CHLSN: variants seen among roughly 807,000 people sequenced by gnomAD.
CHLSN encodes the protein protein cholesin.
At chr7:987,536 G>GCA in the CHLSN span, 323 of 1,515,498 alleles carry the variant, frequency 2.1e-4, no homozygotes, top group Middle Eastern at 2.0e-3. Flanking sequence ...CCCAAGGTGG[G>GCA]GCTGGGCCTC....
chr7:982,186 A>G, the CHLSN span, among the ~76,000 whole-genome samples: 2 of 152,210 alleles, frequency 1.3e-5, no homozygotes, highest in Non-Finnish European at 2.9e-5. Context: ...GAGGCTGTAC[A>G]GCAGGATAGA....
chr7:1,136,155 TATAC>T, the CHLSN span, among the ~76,000 whole-genome samples: 9 of 95,464 alleles, frequency 9.4e-5, no homozygotes, highest in African/African-American at 1.3e-4. Context: ...TATAAATATA[TATAC>T]ATAAATATGT....
the CHLSN span, among the ~76,000 whole-genome samples, chr7:1,052,156 T>C: frequency 2.0e-5 from 3 of 152,240 alleles, no homozygotes; most frequent in East Asian, 1.9e-4. This position sits in a 1 kb window ranked among gnomAD's most constrained non-coding sequence, Gnocchi z 4.2. Context: ...CCTCCCCTCC[T>C]GGCCCGAGAT....
At chr7:1,083,187 C>A in the CHLSN span, among the ~76,000 whole-genome samples, 1 of 152,254 alleles carries the variant, frequency 6.6e-6, no homozygotes, top group African/African-American at 2.4e-5. Context: ...CTGAGGGGGC[C>A]CTGCTGGGAG....
At chr7:1,094,228 G>A in the CHLSN span, among the ~76,000 whole-genome samples, 824 of 152,324 alleles carry the variant, frequency 5.4e-3, 8 homozygotes, top group African/African-American at 0.019. Context: ...GGATCCTGGC[G>A]CTGCTCCCCT....
At chr7:1,037,392 T>C in the CHLSN span, among the ~76,000 whole-genome samples, 1 of 132,862 alleles carries the variant, frequency 7.5e-6, no homozygotes, top group African/African-American at 2.8e-5. Flanking sequence ...GTGCCTGCCA[T>C]TGCAGGTGCG....
the CHLSN span, chr7:1,025,638 CGGA>C: frequency 6.6e-6 from 1 of 152,196 alleles, no homozygotes; most frequent in Non-Finnish European, 1.5e-5. Context: ...GGGTGTGATA[CGGA>C]CCGACCTCGC....
At chr7:1,109,018 C>T in the CHLSN span, among the ~76,000 whole-genome samples, 4 of 151,966 alleles carry the variant, frequency 2.6e-5, no homozygotes, top group Admixed American at 6.6e-5. Context: ...GCCTCAGCCT[C>T]CCAAGTAGCT....
chr7:1,113,491 C>T, the CHLSN span, among the ~76,000 whole-genome samples: 1 of 152,172 alleles, frequency 6.6e-6, no homozygotes, highest in Non-Finnish European at 1.5e-5. Flanking sequence ...CGACCGTCCA[C>T]ACTGAGAAGA....
chr7:983,997 G>A, the CHLSN span, among the ~76,000 whole-genome samples: 1 of 152,192 alleles, frequency 6.6e-6, no homozygotes, highest in Non-Finnish European at 1.5e-5. Flanking sequence ...GCGGGCTGGG[G>A]TGCTGCTGGC....
the CHLSN span, among the ~76,000 whole-genome samples, chr7:1,045,134 TG>T: frequency 2.0e-5 from 3 of 152,206 alleles, no homozygotes; most frequent in Non-Finnish European, 4.4e-5. Context: ...AAAGCTTCAC[TG>T]GAAGGCAGTG....
At chr7:1,020,197 C>T in the CHLSN span, among the ~76,000 whole-genome samples, 1 of 152,198 alleles carries the variant, frequency 6.6e-6, no homozygotes, top group Non-Finnish European at 1.5e-5. Flanking sequence ...TTTCTTCCCA[C>T]GCCGCGGAGT....
At chr7:1,123,341 C>T in the CHLSN span, among the ~76,000 whole-genome samples, 5 of 152,214 alleles carry the variant, frequency 3.3e-5, no homozygotes, top group East Asian at 1.9e-4. This position sits in a 1 kb window ranked among gnomAD's most constrained non-coding sequence, Gnocchi z 4.4. Flanking sequence ...TGCACGGGGC[C>T]CCGGGAGTGG....
At chr7:1,039,535 G>T in the CHLSN span, among the ~76,000 whole-genome samples, 1 of 54,626 alleles carries the variant, frequency 1.8e-5, no homozygotes, top group Non-Finnish European at 3.3e-5. Context: ...CGCCCCGTCC[G>T]GGAGGGAGGT....
At chr7:1,009,898 A>G in the CHLSN span, 4 of 1,425,256 alleles carry the variant, frequency 2.8e-6, no homozygotes, top group Admixed American at 9.4e-5. Flanking sequence ...CCCCTCAGGC[A>G]GGGGTTGAGA....
chr7:1,096,898 A>G, the CHLSN span, among the ~76,000 whole-genome samples: 3,946 of 152,186 alleles, frequency 0.026, 69 homozygotes, highest in Non-Finnish European at 0.039. The surrounding 1 kb of genome is among the most constrained non-coding windows in gnomAD (Gnocchi z 4.6). Context: ...GGAGAGAACT[A>G]CAAAGAAACC....
At chr7:981,479 G>A in the CHLSN span, among the ~76,000 whole-genome samples, 1 of 151,912 alleles carries the variant, frequency 6.6e-6, no homozygotes, top group Non-Finnish European at 1.5e-5. Context: ...TTGGGAGGCC[G>A]AGGCGGGCGG....
chr7:1,093,428 C>T, the CHLSN span: 32 of 462,146 alleles, frequency 6.9e-5, no homozygotes, highest in Non-Finnish European at 1.2e-4. Flanking sequence ...CACGCCTGAG[C>T]GTCCTCCATC....
the CHLSN span, among the ~76,000 whole-genome samples, chr7:991,086 T>C: frequency 6.6e-6 from 1 of 151,962 alleles, no homozygotes; most frequent in Non-Finnish European, 1.5e-5. Context: ...GCCTGGGGTA[T>C]TCATCTCCTT....
Sources: allele counts gnomAD v4.1 joint callset (sites outside exome capture counted in the v4.1 genomes callset), GRCh38; gene constraint gnomAD v4.1.1; non-coding constraint Gnocchi (gnomAD v3.1); transcripts MANE v1.5; gene names NCBI Gene and HGNC (gene_info 2026-07-23, HGNC 2026-07-21).